SLC2A9: variants seen among roughly 807,000 people sequenced by gnomAD.
The protein encoded by SLC2A9 is solute carrier family 2 member 9.
Under a neutral mutation model 50.6 loss-of-function variants are expected in SLC2A9, and 39 were observed. The observed-to-expected ratio is 0.77, with a 90% CI of 0.60 to 1.01. The LOEUF is 1.01. Among genes scored for constraint, SLC2A9 ranks in the 50% least tolerant of loss-of-function variants. The pLI is 0.00. For synonymous variants in SLC2A9, 324 were observed against 276.9 expected, an observed-to-expected ratio of 1.17 and a Z score of -1.69; for missense variants, 686 against 677.6, an observed-to-expected ratio of 1.01 and a Z score of -0.14.
At chr4:9,816,377 G>C (rs982934564) in intron 3 of SLC2A9, among the ~76,000 whole-genome samples, 1 of 152,084 alleles carries the variant, frequency 6.6e-6, no homozygotes, top group South Asian at 2.1e-4. Context: ...TTCAGGAGAT[G>C]AGGGAAGGGG....
At chr4:10,017,643 C>T (rs947617030) in intron 2 of SLC2A9, among the ~76,000 whole-genome samples, 1 of 152,210 alleles carries the variant, frequency 6.6e-6, no homozygotes, top group Non-Finnish European at 1.5e-5. Context: ...CCCAGGCTTC[C>T]CCTATGTTTT....
At chr4:9,911,836 C>G (rs1741866816) in intron 7 of SLC2A9, among the ~76,000 whole-genome samples, 1 of 152,228 alleles carries the variant, frequency 6.6e-6, no homozygotes. Flanking sequence ...AAGGTTCTGT[C>G]TCTCCATGGA....
intron 11 of SLC2A9, among the ~76,000 whole-genome samples, chr4:9,834,313 G>A (rs138232972): frequency 8.5e-5 from 13 of 152,324 alleles, no homozygotes; most frequent in African/African-American, 2.9e-4. Flanking sequence ...CTAGAAAAGT[G>A]CCTGGCACAC....
chr4:9,980,800 T>G, intron 4 of SLC2A9, 63 bp from the exon 5 acceptor site: 1 of 1,607,772 alleles, frequency 6.2e-7, no homozygotes, highest in Non-Finnish European at 8.5e-7. Flanking sequence ...GCACTCTGGT[T>G]ACAATGCCTC....
chr4:9,994,564 C>CTTTTTTTTT (rs35574155), intron 3 of SLC2A9, among the ~76,000 whole-genome samples: 5 of 131,826 alleles, frequency 3.8e-5, no homozygotes, highest in Non-Finnish European at 4.8e-5. Flanking sequence ...TTTCCTTTTC[C>CTTTTTTTTT]TTTTTTTTTT....
At chr4:9,787,503 C>T (rs1263960354) in intron 3 of SLC2A9, among the ~76,000 whole-genome samples, 1 of 152,192 alleles carries the variant, frequency 6.6e-6, no homozygotes, top group Admixed American at 6.5e-5. Flanking sequence ...TCTTCTGAGT[C>T]ATCTAAGATG....
At chr4:9,808,488 C>A (rs1291890093) in intron 3 of SLC2A9, among the ~76,000 whole-genome samples, 2 of 152,122 alleles carry the variant, frequency 1.3e-5, no homozygotes, top group African/African-American at 4.8e-5. Flanking sequence ...TCCTCAGTCC[C>A]TGGAATTATC....
At chr4:9,880,082 A>C in intron 10 of SLC2A9, 2 of 985,334 alleles carry the variant, frequency 2.0e-6, no homozygotes, top group Non-Finnish European at 2.4e-6. Context: ...TTCAGCTCTG[A>C]GCATCTTCCT....
At chr4:9,857,819 G>T (rs1253284913) in intron 10 of SLC2A9, among the ~76,000 whole-genome samples, 2 of 152,174 alleles carry the variant, frequency 1.3e-5, no homozygotes, top group Non-Finnish European at 2.9e-5. Context: ...GCCTTCACTG[G>T]AATCTGTGTC....
intron 8 of SLC2A9, among the ~76,000 whole-genome samples, chr4:9,898,998 C>T (rs1739101792): frequency 7.1e-6 from 1 of 141,452 alleles, no homozygotes; most frequent in South Asian, 2.2e-4. Context: ...CCCTCCCTCC[C>T]CCTCTCTCTC....
intron 6 of SLC2A9, among the ~76,000 whole-genome samples, chr4:9,941,392 A>C (rs1748097373): frequency 6.6e-6 from 1 of 152,140 alleles, no homozygotes; most frequent in African/African-American, 2.4e-5. Flanking sequence ...TCCTCCCTCG[A>C]AGGACTGTTG....
intron 1 of SLC2A9, among the ~76,000 whole-genome samples, chr4:9,773,908 T>C (rs1297986913): frequency 6.6e-6 from 1 of 152,130 alleles, no homozygotes; most frequent in Middle Eastern, 3.4e-3. Context: ...GAGACCTAGC[T>C]GCACATTATA....
chr4:9,771,231 C>T (rs1716774351), exon 2 of SLC2A9: 1 of 359,740 alleles, frequency 2.8e-6, no homozygotes, highest in Non-Finnish European at 5.0e-6. Context: ...GTAATAATCC[C>T]TAACCTCAGT....
intron 2 of SLC2A9, among the ~76,000 whole-genome samples, chr4:10,008,330 A>T (rs1761151501): frequency 6.6e-6 from 1 of 152,206 alleles, no homozygotes; most frequent in Admixed American, 6.5e-5. Context: ...ACACCTGGAC[A>T]CCAACGCCCC....
At chr4:9,813,238 T>A (rs1299807297) in intron 3 of SLC2A9, among the ~76,000 whole-genome samples, 2 of 152,182 alleles carry the variant, frequency 1.3e-5, no homozygotes, top group African/African-American at 4.8e-5. Context: ...ACTCATGGCT[T>A]TTCAGAGTCT....
intron 2 of SLC2A9, among the ~76,000 whole-genome samples, chr4:10,003,256 C>T (rs1049553991): frequency 6.6e-6 from 1 of 152,154 alleles, no homozygotes; most frequent in Non-Finnish European, 1.5e-5. Context: ...CAGGCTAATA[C>T]CCACCCTGGA....
chr4:9,875,416 T>A (rs10033286), intron 10 of SLC2A9, among the ~76,000 whole-genome samples: 10,347 of 152,008 alleles, frequency 0.068, 841 homozygotes, highest in East Asian at 0.25. Context: ...TCTTTAGAAA[T>A]GTCTTCTTGT....
At chr4:10,012,155 G>T (rs1030479233) in intron 2 of SLC2A9, among the ~76,000 whole-genome samples, 4 of 152,216 alleles carry the variant, frequency 2.6e-5, no homozygotes, top group Non-Finnish European at 5.9e-5. Context: ...GACCTCCACA[G>T]AACATTTGCT....
At chr4:9,940,315 A>G (rs1480427492) in intron 6 of SLC2A9, among the ~76,000 whole-genome samples, 5 of 152,190 alleles carry the variant, frequency 3.3e-5, no homozygotes, top group African/African-American at 1.2e-4. Context: ...CACTGGCCAC[A>G]TGGGAAGTCA....
Sources: gnomAD v4.1 joint callset for allele counts (sites outside exome capture counted in the v4.1 genomes callset) on GRCh38, gnomAD v4.1.1 for gene constraint, MANE v1.5 for transcripts, NCBI Gene and HGNC (gene_info 2026-07-23, HGNC 2026-07-21) for gene names.